The following SPESP1 variants were observed in gnomAD, a reference collection of about 807,000 sequenced individuals.
SPESP1 encodes equatorial segment protein.
SPESP1 carries 1 observed loss-of-function variant against 3.1 expected under a neutral mutation model. That is an observed-to-expected ratio of 0.33 (90% CI 0.12 to 1.54). The LOEUF is 1.54. Among genes scored for constraint, SPESP1 ranks in the 40% most tolerant of loss-of-function variants. The pLI, the probability that SPESP1 is intolerant of heterozygous loss-of-function variation, is 0.38. For synonymous variants in SPESP1, 138 were observed against 150.7 expected (o/e 0.92, Z 0.62); for missense variants, 398 against 410.1 (o/e 0.97, Z 0.26).
intron 1 of SPESP1, among the ~76,000 whole-genome samples, chr15:68,942,633 A>T (rs1895856433): frequency 6.6e-6 from 1 of 152,186 alleles, no homozygotes; most frequent in Non-Finnish European, 1.5e-5. Context: ...ATTTAAAATG[A>T]GAAATGTAAG....
At chr15:68,942,692 A>G (rs1895858020) in intron 1 of SPESP1, among the ~76,000 whole-genome samples, 1 of 152,140 alleles carries the variant, frequency 6.6e-6, no homozygotes, top group African/African-American at 2.4e-5. Flanking sequence ...TGTAGCTTTG[A>G]AAGTGTTTTA....
Position 68,930,531 on chromosome 15 carries a change from G to C in SPESP1, c.-123G>C. ...TTGCGCGCTGGGGACAACCGTTGCT[G>C]GGTGTCCCAGGGCCTGAGGCAGGAC... On this transcript the variant is annotated 5_prime_UTR_variant, in exon 1 of 2. Transcript: ENST00000310673. The C allele has an allele frequency of 7.4e-7, 1 of 1,348,220 alleles. No individual in the cohort carries two copies. The highest frequency in any genetic ancestry group is 1.0e-6 in the Non-Finnish European group (1 of 962,884). The allele number at this position is 1,348,220 out of a possible 1,614,324, so 83.5% of individuals were successfully genotyped here. A position where few individuals can be genotyped will look rare whatever the true frequency, so the allele number is the denominator to read the frequency against.
rs776634018 is a variant in SPESP1 at position 68,945,830 on chromosome 15, C to A, written c.296C>A (p.Thr99Lys). Residue 99 changes from threonine (T) to lysine (K), a missense_variant, in exon 2 of 2, where the codon ACA (threonine) becomes AAA (lysine). Thr to Lys is a moderately conservative substitution (Grantham distance 78). Coordinates refer to ENST00000310673, the MANE Select transcript of SPESP1 (RefSeq NM_145658.4). Reference sequence around the variant, plus strand: ...ACCAATCCTATCAGTGAAGAAACTACAACTTTCCCTACAGGAGGCTTCACA... The same window carrying A: ...ACCAATCCTATCAGTGAAGAAACTAAAACTTTCCCTACAGGAGGCTTCACA... ...VLTNPISEETTTFPTGGFTPE... is the reference protein window; with the variant it reads ...VLTNPISEETKTFPTGGFTPE... 3.7e-6 allele frequency: 6 copies of A among 1,613,904 alleles called. No homozygotes were observed. The African/African-American group carries it at 8.0e-5, about 22-fold the overall frequency.
chr15:68,934,655 T>C (rs934946498), intron 1 of SPESP1, among the ~76,000 whole-genome samples: 1 of 152,240 alleles, frequency 6.6e-6, no homozygotes, highest in Admixed American at 6.5e-5. Flanking sequence ...TTGATCATAT[T>C]ATCCCTTAAA....
Position 68,946,103 on chromosome 15 carries a change from T to C in SPESP1, c.569T>C (p.Ile190Thr), listed in dbSNP as rs1895955550. Residue 190 changes from isoleucine to threonine, a missense_variant, in exon 2 of 2, where the codon ATT becomes ACT. Ile to Thr is a moderately conservative substitution (Grantham distance 89). Transcript: ENST00000310673. Reference sequence around the variant, plus strand: ...ACCACTTTAGATAAGAGCACTGGCATTGGGATCTCTACAGAATCAGAAGAT... The same window carrying C: ...ACCACTTTAGATAAGAGCACTGGCACTGGGATCTCTACAGAATCAGAAGAT... Reference protein sequence around the residue: ...PVTTLDKSTGIGISTESEDVP... With the variant: ...PVTTLDKSTGTGISTESEDVP... The C allele has an allele frequency of 4.3e-6, 7 of 1,614,202 alleles. No individual in the cohort carries two copies. Among genetic ancestry groups the C allele is most frequent in the East Asian group, 2.2e-5 (1 of 44,878 alleles).
chr15:68,941,515 T>C (rs1227557769), intron 1 of SPESP1, among the ~76,000 whole-genome samples: 1 of 152,166 alleles, frequency 6.6e-6, no homozygotes, highest in East Asian at 1.9e-4. Flanking sequence ...CCTTGCGTCT[T>C]CTAGTTTCTG....
chr15:68,937,536 G>A (rs373248959), intron 1 of SPESP1, among the ~76,000 whole-genome samples: 2 of 150,122 alleles, frequency 1.3e-5, no homozygotes, highest in Non-Finnish European at 1.5e-5. Context: ...TGTGTAGAAC[G>A]TGCAGTTTCT....
At chr15:68,944,379 A>G (rs1174913741) in intron 1 of SPESP1, among the ~76,000 whole-genome samples, 1 of 150,920 alleles carries the variant, frequency 6.6e-6, no homozygotes, top group African/African-American at 2.4e-5. Context: ...GACTCTCCAC[A>G]TTAGATAGAC....
chr15:68,936,951 C>T (rs982988630), intron 1 of SPESP1, among the ~76,000 whole-genome samples: 6 of 152,040 alleles, frequency 3.9e-5, no homozygotes, highest in Non-Finnish European at 7.4e-5. Context: ...TTTAGAAAGA[C>T]GTAGTAAGCT....
At position 68,930,642 on chromosome 15, in the gene SPESP1, C is replaced by T; in HGVS notation, c.-12C>T. The T allele has an allele frequency of 6.2e-7, 1 of 1,613,808 alleles. No homozygotes were observed. Among genetic ancestry groups the T allele is most frequent in the Non-Finnish European group, 8.5e-7 (1 of 1,179,744 alleles). ...GTTCCGGTCGCATGGCAGAGTGCTACGGACGACGCCTATGAAGCCCTTAGT... is the reference window on the plus strand; with the variant it reads ...GTTCCGGTCGCATGGCAGAGTGCTATGGACGACGCCTATGAAGCCCTTAGT... On this transcript the variant is annotated 5_prime_UTR_variant, in exon 1 of 2. It adds an upstream start codon to the 5' untranslated region. Transcript: ENST00000310673.
intron 1 of SPESP1, among the ~76,000 whole-genome samples, chr15:68,936,397 C>T (rs1895682048): frequency 6.6e-6 from 1 of 152,156 alleles, no homozygotes; most frequent in African/African-American, 2.4e-5. Flanking sequence ...CAATGAAGTA[C>T]CGATACATGC....
intron 1 of SPESP1, among the ~76,000 whole-genome samples, chr15:68,941,788 A>G (rs1207915251): frequency 1.3e-5 from 2 of 152,172 alleles, no homozygotes; most frequent in Non-Finnish European, 2.9e-5. Flanking sequence ...TTGAATATTC[A>G]TTATTTAGCC....
chr15:68,940,900 G>A lies in SPESP1; in HGVS notation c.65-4699G>A, dbSNP rs73431140. On this transcript the variant is annotated intron_variant, in intron 1 of 1. Transcript: ENST00000310673. ...AAATGATCATATTTTAATTATAAAC[G>A]GCTTCTTTAATTATTAGCTGAAATA... Among the ~76,000 whole-genome samples the A allele has an allele frequency of 7.1e-3, 1,075 of 151,562 alleles. 13 individuals carry two copies. Among genetic ancestry groups the A allele is most frequent in the African/African-American group, 0.025 (1,032 of 41,328 alleles).
At chr15:68,944,707 T>C (rs1042052638) in intron 1 of SPESP1, among the ~76,000 whole-genome samples, 2 of 152,172 alleles carry the variant, frequency 1.3e-5, no homozygotes, top group East Asian at 1.9e-4. Context: ...ACAATTACTC[T>C]AGTGTTGCAG....
chr15:68,946,585 T>G lies in SPESP1; in HGVS notation c.1051T>G (p.Ter351GluextTer4), dbSNP rs189207916. Residue 351 changes from the stop codon to glutamate (E), a stop_lost, in exon 2 of 2, where the codon TAA becomes GAA. Coordinates refer to ENST00000310673, the MANE Select transcript of SPESP1 (RefSeq NM_145658.4). ...AGTCACAGCCTTATTAAAAGTTTAT[T>G]AAACAATAATATAAAAATTTTAAAC... is the stretch of plus-strand genomic sequence containing the variant. ...RRVTALLKVY[*>E] The G allele has an allele frequency of 2.0e-5, 29 of 1,445,702 alleles. No homozygotes were observed. The East Asian group carries it at 6.0e-4, about 30-fold the overall frequency. 89.6% of individuals were successfully genotyped at this position (1,445,702 alleles called of 1,614,324 possible). A position where few individuals can be genotyped will look rare whatever the true frequency, so the allele number is the denominator to read the frequency against.
chr15:68,934,445 C>T (rs1220015602), intron 1 of SPESP1, among the ~76,000 whole-genome samples: 2 of 152,102 alleles, frequency 1.3e-5, no homozygotes, highest in Non-Finnish European at 2.9e-5. Context: ...TAGCTAGTGC[C>T]CAAGGCTACA....
chr15:68,940,555 T>A (rs1305336312), intron 1 of SPESP1, among the ~76,000 whole-genome samples: 10 of 152,178 alleles, frequency 6.6e-5, no homozygotes, highest in Non-Finnish European at 2.9e-5. Flanking sequence ...TCTCTTTTAA[T>A]CTATAGTTCT....
intron 1 of SPESP1, among the ~76,000 whole-genome samples, 158 bp downstream of exon 1, chr15:68,930,875 C>T (rs1351506836): frequency 6.6e-6 from 1 of 152,124 alleles, no homozygotes; most frequent in Non-Finnish European, 1.5e-5. Flanking sequence ...GGGTGTCCCT[C>T]TCCTCTCCTG....
chr15:68,939,005 T>C lies in SPESP1; in HGVS notation c.65-6594T>C, dbSNP rs367597322. Among the ~76,000 whole-genome samples the C allele has an allele frequency of 1.4e-4, 21 of 152,334 alleles. No individual in the cohort carries two copies. The East Asian group carries it at 3.7e-3, about 27-fold the overall frequency. Reference sequence around the variant, plus strand: ...CCTACCACTTTTGTTCCTACAGTTATTTAGTACCATTTTGTTTACTTTCTT... The same window carrying C: ...CCTACCACTTTTGTTCCTACAGTTACTTAGTACCATTTTGTTTACTTTCTT... On this transcript the variant is annotated intron_variant, in intron 1 of 1. Transcript: ENST00000310673.
Sources: gnomAD v4.1 joint callset for allele counts (sites outside exome capture counted in the v4.1 genomes callset) on GRCh38, gnomAD v4.1.1 for gene constraint, MANE v1.5 for transcripts, NCBI Gene and HGNC (gene_info 2026-07-23, HGNC 2026-07-21) for gene names.